Variants in GNAI2 observed in about 807,000 individuals in gnomAD.
GNAI2 encodes the protein guanine nucleotide-binding protein G(i) subunit alpha-2.
GNAI2 carries 4 observed loss-of-function variants against 36.8 expected under a neutral mutation model. That is an observed-to-expected ratio of 0.11 (90% CI 0.05 to 0.25). GNAI2 has a LOEUF of 0.25. GNAI2 is among the 10% of genes least tolerant of loss of function. The probability of loss-of-function intolerance (pLI) is 1.00; values close to 1 mark genes in which losing one functional copy is unlikely to be tolerated. For synonymous variants in GNAI2, 194 were observed against 194.1 expected (o/e 1.00, Z 0.01); for missense variants, 230 against 481.3 (o/e 0.48, Z 4.89).
chr3:50,247,076 G>A (rs1156625780), intron 1 of GNAI2: 1 of 780,676 alleles, frequency 1.3e-6, no homozygotes, highest in East Asian at 2.7e-5. Context: ...GAAATGAGAG[G>A]TTTGGGGAAA....
At chr3:50,228,900 A>C (rs904151792), upstream of GNAI2, among the ~76,000 whole-genome samples, 1 of 152,228 alleles carries the variant, frequency 6.6e-6, no homozygotes, top group African/African-American at 2.4e-5. Flanking sequence ...TTGTGCGTCC[A>C]GAACTCAGTG....
intron 1 of GNAI2, among the ~76,000 whole-genome samples, chr3:50,240,601 CCAAA>C: frequency 6.6e-6 from 1 of 152,196 alleles, no homozygotes; most frequent in East Asian, 1.9e-4. Flanking sequence ...GGACAGTCTA[CCAAA>C]GCTTGGAGGT....
At position 50,236,694 on chromosome 3, in the gene GNAI2, A is replaced by G. The variant is rs1553700442; in HGVS notation, c.118+241A>G. Among the ~76,000 whole-genome samples, 1 of 151,892 alleles carries G rather than the reference A, an allele frequency of 6.6e-6. No homozygotes were observed. The highest frequency in any genetic ancestry group is 1.5e-5 in the Non-Finnish European group (1 of 67,972). ...CTCCAAATCCAGTCAACAGTGCCCC[A>G]ACACCCGCGGTCCAGTGCCCTGCTT... On this transcript the variant is annotated intron_variant, in intron 1 of 8. Coordinates refer to ENST00000313601, the MANE Select transcript of GNAI2 (RefSeq NM_002070.4). The surrounding 1 kb of genome is among the most constrained non-coding windows in gnomAD (Gnocchi z 4.0).
At chr3:50,246,970 C>T (rs1186534439) in intron 1 of GNAI2, 9 of 1,500,218 alleles carry the variant, frequency 6.0e-6, no homozygotes, top group East Asian at 2.5e-5. Flanking sequence ...GCCTGTTAGC[C>T]GCTGTCCATT....
At chr3:50,228,758 A>C (rs1700019964), upstream of GNAI2, among the ~76,000 whole-genome samples, 1 of 152,052 alleles carries the variant, frequency 6.6e-6, no homozygotes, top group Non-Finnish European at 1.5e-5. Flanking sequence ...GGGCCTTTGC[A>C]CTGGCTGATA....
intron 1 of GNAI2, among the ~76,000 whole-genome samples, chr3:50,245,555 A>T (rs1700396269): frequency 1.3e-5 from 2 of 152,244 alleles, no homozygotes; most frequent in Admixed American, 1.3e-4. Flanking sequence ...GATGCCTGAA[A>T]TGAAGAGGCC....
Position 50,253,894 on chromosome 3 carries a change from A to AG in GNAI2, c.464+714dup, listed in dbSNP as rs1468644266. 6.6e-6 allele frequency among the ~76,000 whole-genome samples: 1 copy of AG among 152,132 alleles called. No homozygotes were observed. The highest frequency in any genetic ancestry group is 1.5e-5 in the Non-Finnish European group (1 of 68,010). On this transcript the variant is annotated intron_variant, in intron 4 of 8. Transcript: ENST00000313601. This position sits in a 1 kb window ranked among gnomAD's most constrained non-coding sequence, Gnocchi z 4.2. ...GCTGAGCTCTGAAGGAGAGTCAGCC[A>AG]GGGGAGGAGTGGATGAGGGGATTCC...
chr3:50,231,654 C>T (rs587738469), upstream of GNAI2, among the ~76,000 whole-genome samples: 109 of 152,240 alleles, frequency 7.2e-4, no homozygotes, highest in Non-Finnish European at 1.4e-3. Flanking sequence ...GAGAGACCCA[C>T]GACCAGAATA....
In GNAI2 at chr3:50,257,480, C is replaced by G. The variant is rs1700729431; in HGVS notation, c.878-20C>G. 3.3e-6 allele frequency: 5 copies of G among 1,527,092 alleles called. No homozygotes were observed. Among genetic ancestry groups the G allele is most frequent in the Non-Finnish European group, 4.4e-6 (5 of 1,129,064 alleles). 94.6% of individuals were successfully genotyped at this position (1,527,092 alleles called of 1,614,324 possible). A position where few individuals can be genotyped will look rare whatever the true frequency, so the allele number is the denominator to read the frequency against. ...TGCCTGCCACACATGCAGCACAAGT[C>G]TTCATTTTCTCTCCCCCAGGGGCCA... On this transcript the variant is annotated intron_variant, in intron 7 of 8. Coordinates refer to ENST00000313601, the MANE Select transcript of GNAI2 (RefSeq NM_002070.4).
intron 1 of GNAI2, among the ~76,000 whole-genome samples, chr3:50,240,796 G>C (rs1387283188): frequency 3.9e-5 from 6 of 151,902 alleles, no homozygotes; most frequent in African/African-American, 1.5e-4. Context: ...GTATGTGCCT[G>C]TAATCCCAGC....
chr3:50,238,164 G>C lies in GNAI2; in HGVS notation c.118+1711G>C, dbSNP rs1700224488. The C allele has an allele frequency of 6.6e-6, 1 of 151,906 alleles. No homozygotes were observed. 9.4% of individuals were successfully genotyped at this position (151,906 alleles called of 1,614,324 possible). A position where few individuals can be genotyped will look rare whatever the true frequency, so the allele number is the denominator to read the frequency against. On this transcript the variant is annotated intron_variant, in intron 1 of 8. Coordinates refer to ENST00000313601, the MANE Select transcript of GNAI2 (RefSeq NM_002070.4). This position sits in a 1 kb window ranked among gnomAD's most constrained non-coding sequence, Gnocchi z 5.0. Reference sequence around the variant, plus strand: ...GTGTCGACGCGGCGGAATGCCCGTCGCTGCTGCTGCTGCTGCCCGACGGGC... The same window carrying C: ...GTGTCGACGCGGCGGAATGCCCGTCCCTGCTGCTGCTGCTGCCCGACGGGC...
chr3:50,241,206 C>T lies in GNAI2; in HGVS notation c.118+4753C>T, dbSNP rs1485150027. ...GCCCTGGGTGCCAGGTGGGCCAGTA[C>T]CCACCCAGGCTGGCCTCCAGCCCCT... On this transcript the variant is annotated intron_variant, in intron 1 of 8. Coordinates refer to ENST00000313601, the MANE Select transcript of GNAI2 (RefSeq NM_002070.4). The surrounding 1 kb of genome is among the most constrained non-coding windows in gnomAD (Gnocchi z 5.0). Among the ~76,000 whole-genome samples the T allele has an allele frequency of 6.6e-6, 1 of 152,084 alleles. No individual in the cohort carries two copies. The highest frequency in any genetic ancestry group is 1.5e-5 in the Non-Finnish European group (1 of 68,000).
At chr3:50,243,702 A>T (rs587632785) in intron 1 of GNAI2, among the ~76,000 whole-genome samples, 1 of 152,336 alleles carries the variant, frequency 6.6e-6, no homozygotes, top group East Asian at 1.9e-4. Context: ...TCACTGATGG[A>T]CAAACTGAAG....
At chr3:50,251,854 G>C in intron 1 of GNAI2, 1 of 1,187,320 alleles carries the variant, frequency 8.4e-7, no homozygotes. Context: ...AGAGCTTGTG[G>C]GAGGCAAAGG....
rs868982025 is a variant in GNAI2 at position 50,236,843 on chromosome 3, C to T, written c.118+390C>T. Among the ~76,000 whole-genome samples, 22 of 152,170 alleles carry T rather than the reference C, an allele frequency of 1.4e-4. No homozygotes were observed. Among genetic ancestry groups the T allele is most frequent in the African/African-American group, 5.1e-4 (21 of 41,444 alleles). On this transcript the variant is annotated intron_variant, in intron 1 of 8. Coordinates refer to ENST00000313601, the MANE Select transcript of GNAI2 (RefSeq NM_002070.4). The surrounding 1 kb of genome is among the most constrained non-coding windows in gnomAD (Gnocchi z 4.0). ...CCAACCCTCAGGCTCCGCTTGTTTT[C>T]CTCACCTGCGCCTTTTATTCCTATT...
Position 50,236,534 on chromosome 3 carries a change from T to G in GNAI2, c.118+81T>G, listed in dbSNP as rs1700174902. ...GGACTTTGACCTCCCAGACTAGGGC[T>G]TCAAACTCCCAGACCCGGGCTGTCT... is the stretch of plus-strand genomic sequence containing the variant. On this transcript the variant is annotated intron_variant, in intron 1 of 8. Coordinates refer to ENST00000313601, the MANE Select transcript of GNAI2 (RefSeq NM_002070.4). This position sits in a 1 kb window ranked among gnomAD's most constrained non-coding sequence, Gnocchi z 4.0. The G allele has an allele frequency of 2.7e-6, 4 of 1,505,636 alleles. No homozygotes were observed. Among genetic ancestry groups the G allele is most frequent in the Non-Finnish European group, 3.5e-6 (4 of 1,135,382 alleles). The allele number at this position is 1,505,636 out of a possible 1,614,324, so 93.3% of individuals were successfully genotyped here.
intron 1 of GNAI2, among the ~76,000 whole-genome samples, chr3:50,250,419 A>G (rs1191984226): frequency 6.6e-6 from 1 of 152,168 alleles, no homozygotes; most frequent in African/African-American, 2.4e-5. Flanking sequence ...CAGAGGAACA[A>G]ACGTGCCACA....
rs1184738475 is a variant in GNAI2 at position 50,236,726 on chromosome 3, C to A, written c.118+273C>A. On this transcript the variant is annotated intron_variant, in intron 1 of 8. Coordinates refer to ENST00000313601, the MANE Select transcript of GNAI2 (RefSeq NM_002070.4). The surrounding 1 kb of genome is among the most constrained non-coding windows in gnomAD (Gnocchi z 4.0). ...GCGGTCCAGTGCCCTGCTTGGCCATCCCCCCTTGCTAACTAGCTTCACAGA... is the reference window on the plus strand; with the variant it reads ...GCGGTCCAGTGCCCTGCTTGGCCATACCCCCTTGCTAACTAGCTTCACAGA... 6.6e-6 allele frequency among the ~76,000 whole-genome samples: 1 copy of A among 151,950 alleles called. No homozygotes were observed. Among genetic ancestry groups the A allele is most frequent in the African/African-American group, 2.4e-5 (1 of 41,342 alleles).
In GNAI2 at chr3:50,256,041, T is replaced by A. The variant is rs1252306792; in HGVS notation, c.465-151T>A. 16 of 459,626 alleles carry A rather than the reference T, an allele frequency of 3.5e-5. No individual in the cohort carries two copies. The East Asian group carries it at 5.6e-4, about 16-fold the overall frequency. 28.5% of individuals were successfully genotyped at this position (459,626 alleles called of 1,614,324 possible). A position where few individuals can be genotyped will look rare whatever the true frequency, so the allele number is the denominator to read the frequency against. ...AGCCTGGCAACAGAGTAACACTCTG[T>A]CTCAAAAAAAAAAAAAAAAAAAAAA... On this transcript the variant is annotated intron_variant, in intron 4 of 8. Coordinates refer to ENST00000313601, the MANE Select transcript of GNAI2 (RefSeq NM_002070.4).
Sources: allele counts gnomAD v4.1 joint callset (sites outside exome capture counted in the v4.1 genomes callset), GRCh38; gene constraint gnomAD v4.1.1; non-coding constraint Gnocchi (gnomAD v3.1); transcripts MANE v1.5; gene names NCBI Gene and HGNC (gene_info 2026-07-23, HGNC 2026-07-21).